Variants in FBN2 observed in about 807,000 individuals in gnomAD.
FBN2 encodes fibrillin 2.
FBN2 carries 105 observed loss-of-function variants against 355.6 expected under a neutral mutation model. The ratio of observed to expected loss-of-function variants is 0.30; its 90% CI spans 0.25 to 0.35. The LOEUF is 0.35. Ranked by LOEUF, FBN2 falls within the 10% of genes least tolerant of loss-of-function variation. FBN2 has a pLI of 1.00. For synonymous variants in FBN2, 1,350 were observed against 1,301.2 expected, an observed-to-expected ratio of 1.04 and a Z score of -0.81; for missense variants, 3,280 against 3,758.7, an observed-to-expected ratio of 0.87 and a Z score of 3.33.
At chr5:128,343,036 G>A (rs949680612) in intron 25 of FBN2, among the ~76,000 whole-genome samples, 1 of 152,136 alleles carries the variant, frequency 6.6e-6, no homozygotes, top group Non-Finnish European at 1.5e-5. Flanking sequence ...CGGGATAAAG[G>A]AGATGTTATC....
intron 16 of FBN2, among the ~76,000 whole-genome samples, chr5:128,368,247 A>G (rs924740946): frequency 2.6e-5 from 4 of 151,908 alleles, no homozygotes; most frequent in Non-Finnish European, 5.9e-5. Flanking sequence ...TCCCTACTGT[A>G]CTTACGTATA....
intron 5 of FBN2, 58 bp from the exon 6 acceptor site, chr5:128,464,979 C>G: frequency 6.7e-7 from 1 of 1,494,104 alleles, no homozygotes; most frequent in Non-Finnish European, 9.3e-7. Flanking sequence ...AATCTTATAC[C>G]AGTGCCTCCA....
chr5:128,534,759 C>G (rs1756802144), intron 2 of FBN2, among the ~76,000 whole-genome samples: 1 of 152,204 alleles, frequency 6.6e-6, no homozygotes, highest in Non-Finnish European at 1.5e-5. Flanking sequence ...CTGGAAGGCT[C>G]TGCTCTCTGG....
intron 8 of FBN2, among the ~76,000 whole-genome samples, chr5:128,402,865 A>G (rs148593290): frequency 1.3e-5 from 2 of 152,306 alleles, no homozygotes; most frequent in Non-Finnish European, 2.9e-5. Flanking sequence ...TCATGTTTAC[A>G]TTGTTTAAGA....
intron 19 of FBN2, among the ~76,000 whole-genome samples, chr5:128,360,440 T>C (rs1431376936): frequency 6.6e-6 from 1 of 152,130 alleles, no homozygotes; most frequent in African/African-American, 2.4e-5. Context: ...AATCTTCAAG[T>C]ACTTTCAGTG....
intron 6 of FBN2, among the ~76,000 whole-genome samples, chr5:128,462,629 T>C (rs1013681208): frequency 6.6e-6 from 1 of 152,188 alleles, no homozygotes; most frequent in African/African-American, 2.4e-5. Flanking sequence ...CTTCAGACAT[T>C]ACTAAACCCT....
At chr5:128,455,045 G>C (rs756773303) in intron 6 of FBN2, among the ~76,000 whole-genome samples, 15 of 151,964 alleles carry the variant, frequency 9.9e-5, no homozygotes, top group Non-Finnish European at 1.9e-4. Context: ...AAAATTTTAG[G>C]AGCACCCTGT....
chr5:128,450,974 G>C (rs1754223416), intron 6 of FBN2, among the ~76,000 whole-genome samples: 1 of 152,054 alleles, frequency 6.6e-6, no homozygotes, highest in Non-Finnish European at 1.5e-5. Flanking sequence ...TGTCTTTTTA[G>C]ACTTTTATTC....
chr5:128,404,943 G>A (rs775982759), intron 8 of FBN2, among the ~76,000 whole-genome samples: 8 of 152,158 alleles, frequency 5.3e-5, no homozygotes, highest in African/African-American at 7.2e-5. Flanking sequence ...AGGTCAAGGC[G>A]GGTGGATTAC....
chr5:128,343,078 G>C (rs1751071684), intron 25 of FBN2, among the ~76,000 whole-genome samples: 1 of 152,170 alleles, frequency 6.6e-6, no homozygotes, highest in Non-Finnish European at 1.5e-5. Context: ...GAAGGATGCA[G>C]GCAATCAGAT....
chr5:128,273,898 A>G lies in FBN2; in HGVS notation c.7782T>C (p.Ser2594=). 1 of 1,614,006 alleles carries G rather than the reference A, an allele frequency of 6.2e-7. No homozygotes were observed. ...ACCCTCTTTGGCATTCACAGCTGAAACTGCCTGGAGTGTTTTGACAGATTC... is the reference window on the plus strand; with the variant it reads ...ACCCTCTTTGGCATTCACAGCTGAAGCTGCCTGGAGTGTTTTGACAGATTC... ...AKGICQNTPG[S]FSCECQRGFS... is the part of the protein sequence containing the mutation. The change falls in exon 61 of 65, where the codon AGT becomes AGC. Residue 2594 remains serine (S), a synonymous_variant. Transcript: ENST00000262464.
chr5:128,294,058 A>G (rs1227382538), intron 48 of FBN2, among the ~76,000 whole-genome samples: 5 of 151,838 alleles, frequency 3.3e-5, no homozygotes, highest in Non-Finnish European at 7.4e-5. Context: ...TCATTGTTCA[A>G]TTCCCACCTA....
At chr5:128,382,354 C>T (rs1057487643) in intron 11 of FBN2, among the ~76,000 whole-genome samples, 1 of 152,012 alleles carries the variant, frequency 6.6e-6, no homozygotes, top group Admixed American at 6.6e-5. Context: ...TGAGCTAGAA[C>T]GAGGTGCGTC....
chr5:128,521,956 G>A (rs2112791354), intron 4 of FBN2, among the ~76,000 whole-genome samples: 1 of 152,122 alleles, frequency 6.6e-6, no homozygotes, highest in Admixed American at 6.5e-5. Flanking sequence ...GCAAATTATA[G>A]TTATTGTTTA....
rs576279091 is a variant in FBN2 at position 128,511,259 on chromosome 5, C to T, written c.628+8014G>A. 5.3e-5 allele frequency among the ~76,000 whole-genome samples: 8 copies of T among 152,280 alleles called. No homozygotes were observed. In the South Asian group the frequency reaches 1.7e-3, roughly 32 times the overall value. On this transcript the variant is annotated intron_variant, in intron 5 of 64. Transcript: ENST00000262464. ...CCAGAATGACGTTTGTGGAGAACTG[C>T]TTTCAAGCATACAAGTCATTCATAG... is the stretch of plus-strand genomic sequence containing the variant.
chr5:128,296,754 G>C (rs1398988912), intron 48 of FBN2, among the ~76,000 whole-genome samples: 2 of 152,060 alleles, frequency 1.3e-5, no homozygotes, highest in Non-Finnish European at 2.9e-5. Context: ...CTTGCTAGTG[G>C]TCTATCAATT....
intron 5 of FBN2, among the ~76,000 whole-genome samples, chr5:128,476,744 A>C (rs1755014627): frequency 6.6e-6 from 1 of 152,102 alleles, no homozygotes; most frequent in Non-Finnish European, 1.5e-5. Context: ...ATATAAACAG[A>C]GAATGTATAT....
At chr5:128,292,542 A>G (rs1561752297) in intron 48 of FBN2, among the ~76,000 whole-genome samples, 2 of 151,568 alleles carry the variant, frequency 1.3e-5, no homozygotes, top group Non-Finnish European at 2.9e-5. Context: ...GAAGTTTAAC[A>G]AAAGAGTCAT....
chr5:128,325,332 G>T (rs1460890352), intron 34 of FBN2, among the ~76,000 whole-genome samples: 2 of 152,134 alleles, frequency 1.3e-5, no homozygotes, highest in African/African-American at 4.8e-5. Context: ...AGCTTTTCTT[G>T]TTGCATTGAT....
Sources: gnomAD v4.1 joint callset for allele counts (sites outside exome capture counted in the v4.1 genomes callset) on GRCh38, gnomAD v4.1.1 for gene constraint, MANE v1.5 for transcripts, NCBI Gene and HGNC (gene_info 2026-07-23, HGNC 2026-07-21) for gene names.